PRR11: variants seen among roughly 807,000 people sequenced by gnomAD.
PRR11 encodes the protein proline-rich protein 11.
PRR11 carries 30 observed loss-of-function variants against 45.6 expected under a neutral mutation model. The observed-to-expected ratio is 0.66, with a 90% CI of 0.49 to 0.89. The LOEUF (loss-of-function observed/expected upper bound fraction) is 0.89. Ranked by LOEUF, PRR11 falls within the 40% of genes least tolerant of loss-of-function variation. PRR11 has a pLI of 0.00. For missense variants in PRR11, 373 were observed against 424.8 expected (o/e 0.88, Z 1.07); for synonymous variants, 128 against 153.5 (o/e 0.83, Z 1.23).
intron 4 of PRR11, among the ~76,000 whole-genome samples, chr17:59,188,446 C>T (rs1025189383): frequency 2.0e-5 from 3 of 151,894 alleles, no homozygotes; most frequent in Non-Finnish European, 2.9e-5. Context: ...TTATTTATTG[C>T]GGTGTGATTT....
chr17:59,165,996 G>A (rs778416194), intron 1 of PRR11, among the ~76,000 whole-genome samples: 1 of 152,118 alleles, frequency 6.6e-6, no homozygotes, highest in Non-Finnish European at 1.5e-5. Context: ...GGACCTGATA[G>A]TTAGTCCAAT....
At chr17:59,183,830 G>T (rs1384419326) in intron 2 of PRR11, among the ~76,000 whole-genome samples, 1 of 152,178 alleles carries the variant, frequency 6.6e-6, no homozygotes, top group Non-Finnish European at 1.5e-5. Flanking sequence ...GTGCACAGTG[G>T]CTCATGTTTG....
chr17:59,179,376 A>G (rs1425836240), intron 2 of PRR11, among the ~76,000 whole-genome samples: 1 of 152,090 alleles, frequency 6.6e-6, no homozygotes, highest in Non-Finnish European at 1.5e-5. Flanking sequence ...AGTTCAAGCA[A>G]TCCTCTTAAC....
chr17:59,181,913 G>T, intron 2 of PRR11: 1 of 1,172,310 alleles, frequency 8.5e-7, no homozygotes, highest in African/African-American at 1.6e-5. Context: ...CCCATGAGCC[G>T]CTCCTTCCCC....
chr17:59,185,604 G>A (rs1348651311), intron 4 of PRR11, 42 bp downstream of exon 4: 6 of 1,503,716 alleles, frequency 4.0e-6, no homozygotes, highest in Non-Finnish European at 5.4e-6. Flanking sequence ...AATTAGGTAA[G>A]GAGACACTTT....
At chr17:59,170,592 A>C (rs73321205) in intron 2 of PRR11, among the ~76,000 whole-genome samples, 2,897 of 152,174 alleles carry the variant, frequency 0.019, 99 homozygotes, top group African/African-American at 0.064. Flanking sequence ...TTTTTAAAAA[A>C]AATTTTAAAA....
At chr17:59,188,206 C>T (rs1733261430) in intron 4 of PRR11, among the ~76,000 whole-genome samples, 2 of 152,124 alleles carry the variant, frequency 1.3e-5, no homozygotes. Context: ...CTCTGCCACA[C>T]ACAAAAAACA....
At chr17:59,183,487 G>C (rs1023099684) in intron 2 of PRR11, among the ~76,000 whole-genome samples, 1 of 152,182 alleles carries the variant, frequency 6.6e-6, no homozygotes, top group African/African-American at 2.4e-5. Flanking sequence ...CTTTTCTGCC[G>C]AATGTTTACT....
At chr17:59,196,211 A>G (rs1422718111) in intron 7 of PRR11, among the ~76,000 whole-genome samples, 1 of 152,152 alleles carries the variant, frequency 6.6e-6, no homozygotes, top group Non-Finnish European at 1.5e-5. Flanking sequence ...GTTAATTTTC[A>G]AAAAGATAGG....
intron 4 of PRR11, among the ~76,000 whole-genome samples, chr17:59,191,022 C>G (rs1280435623): frequency 6.6e-6 from 1 of 152,146 alleles, no homozygotes; most frequent in African/African-American, 2.4e-5. Context: ...ATACATTCCT[C>G]AAGCTCCAGG....
chr17:59,194,323 T>C (rs2046854731), intron 5 of PRR11, among the ~76,000 whole-genome samples: 1 of 147,588 alleles, frequency 6.8e-6, no homozygotes, highest in African/African-American at 2.6e-5. Context: ...ACCTGGAGCC[T>C]ATTGTTATAT....
intron 1 of PRR11, among the ~76,000 whole-genome samples, chr17:59,161,872 G>A (rs1326947505): frequency 6.6e-6 from 1 of 152,088 alleles, no homozygotes; most frequent in Non-Finnish European, 1.5e-5. Flanking sequence ...TTTGGAAAGG[G>A]GATAAGTATA....
chr17:59,169,821 A>C lies in PRR11; in HGVS notation c.69A>C (p.Glu23Asp). ...CCGAAAGATTATTCAAAAAAAAAGA[A>C]GCCTCTCACTTTCAGTCCAAGCTAA... ...AKAERLFKKKEASHFQSKLIT... is the reference protein window; with the variant it reads ...AKAERLFKKKDASHFQSKLIT... The change falls in exon 2 of 10, where the codon GAA (glutamate) becomes GAC (aspartate). Residue 23 changes from glutamate (E) to aspartate (D), a missense_variant. Physicochemically the swap from Glu to Asp is conservative, Grantham distance 45. Coordinates refer to ENST00000262293, the MANE Select transcript of PRR11 (RefSeq NM_018304.4). The C allele has an allele frequency of 6.2e-7, 1 of 1,612,270 alleles. No homozygotes were observed. The highest frequency in any genetic ancestry group is 1.1e-5 in the South Asian group (1 of 90,446).
intron 7 of PRR11, among the ~76,000 whole-genome samples, chr17:59,195,771 A>T (rs1316866885): frequency 6.6e-6 from 1 of 152,104 alleles, no homozygotes; most frequent in Non-Finnish European, 1.5e-5. Context: ...ATTTTGGGAG[A>T]AAAAGATATA....
intron 4 of PRR11, among the ~76,000 whole-genome samples, chr17:59,192,837 A>G (rs1461464808): frequency 5.9e-5 from 9 of 152,220 alleles, no homozygotes; most frequent in Admixed American, 5.2e-4. Flanking sequence ...AATTCAGTCC[A>G]CAGTAGTCAT....
At chr17:59,179,931 A>G in intron 2 of PRR11, 1 of 1,289,246 alleles carries the variant, frequency 7.8e-7, no homozygotes, top group Non-Finnish European at 1.1e-6. Context: ...TGAACTCCTT[A>G]GAGCCAGACC....
intron 2 of PRR11, chr17:59,181,716 C>G: frequency 6.4e-7 from 1 of 1,555,516 alleles, no homozygotes. Flanking sequence ...AGCAAAGGGA[C>G]CTACATGGGA....
chr17:59,184,105 A>G (rs2147848685), intron 2 of PRR11, among the ~76,000 whole-genome samples: 1 of 152,160 alleles, frequency 6.6e-6, no homozygotes, highest in Non-Finnish European at 1.5e-5. Context: ...ACGTTGTGTC[A>G]AAAAAAATTT....
At chr17:59,195,763 T>A (rs111331855) in intron 7 of PRR11, among the ~76,000 whole-genome samples, 7 of 152,062 alleles carry the variant, frequency 4.6e-5, no homozygotes, top group African/African-American at 1.7e-4. Context: ...AATAACAGAT[T>A]TTGGGAGAAA....
Sources: gnomAD v4.1 joint callset for allele counts (sites outside exome capture counted in the v4.1 genomes callset) on GRCh38, gnomAD v4.1.1 for gene constraint, MANE v1.5 for transcripts, NCBI Gene and HGNC (gene_info 2026-07-23, HGNC 2026-07-21) for gene names.